The following KCND3 variants were observed in gnomAD, a reference collection of about 807,000 sequenced individuals.
The protein encoded by KCND3 is A-type voltage-gated potassium channel KCND3.
A neutral mutation model predicts 51.1 loss-of-function variants in KCND3; 9 were observed. That is an observed-to-expected ratio of 0.18 (90% CI 0.11 to 0.31). The LOEUF (loss-of-function observed/expected upper bound fraction) is 0.31. Ranked by LOEUF, KCND3 falls within the 10% of genes least tolerant of loss-of-function variation. KCND3 has a pLI of 1.00. For synonymous variants in KCND3, 349 were observed against 368.0 expected, an observed-to-expected ratio of 0.95 and a Z score of 0.59; for missense variants, 526 against 903.8, an observed-to-expected ratio of 0.58 and a Z score of 5.36.
intron 2 of KCND3, among the ~76,000 whole-genome samples, chr1:111,813,880 T>C (rs1201612834): frequency 6.6e-6 from 1 of 152,194 alleles, no homozygotes; most frequent in Non-Finnish European, 1.5e-5. Flanking sequence ...ACAATCATAG[T>C]ATTCAATGAG....
chr1:111,908,708 T>C (rs1415117832), intron 2 of KCND3, among the ~76,000 whole-genome samples: 1 of 152,164 alleles, frequency 6.6e-6, no homozygotes, highest in Non-Finnish European at 1.5e-5. Flanking sequence ...AGTATTTCCT[T>C]GACTTAATTC....
intron 2 of KCND3, among the ~76,000 whole-genome samples, chr1:111,963,558 C>A (rs900487649): frequency 6.6e-6 from 1 of 152,190 alleles, no homozygotes; most frequent in Non-Finnish European, 1.5e-5. Context: ...CCTGGTCCAC[C>A]GTATGAGGAT....
At chr1:111,827,525 G>T (rs992348601) in intron 2 of KCND3, among the ~76,000 whole-genome samples, 2 of 152,212 alleles carry the variant, frequency 1.3e-5, no homozygotes, top group African/African-American at 4.8e-5. Flanking sequence ...ATGAGGGCCA[G>T]GAGCAGATAA....
At chr1:111,800,231 T>G (rs113322479) in intron 2 of KCND3, among the ~76,000 whole-genome samples, 14,680 of 107,534 alleles carry the variant, frequency 0.14, 1,145 homozygotes, top group Admixed American at 0.18. Flanking sequence ...CCTGTTGATC[T>G]GTGACCTTAC....
chr1:111,778,480 G>C lies in KCND3; in HGVS notation c.1474C>G (p.Leu492Val). ...ACAGATAACAGGGGATCATCCACAA[G>C]ATAGGACAACCCCTACAGGACAACA... ...CLEKTTGLSYLVDDPLLSVRT... is the reference protein window; with the variant it reads ...CLEKTTGLSYVVDDPLLSVRT... The change falls in exon 6 of 8, where the codon CTT becomes GTT. Residue 492 changes from leucine to valine, a missense_variant. Transcript: ENST00000302127. 1 of 1,613,936 alleles carries C rather than the reference G, an allele frequency of 6.2e-7. No homozygotes were observed. Among genetic ancestry groups the C allele is most frequent in the Non-Finnish European group, 8.5e-7 (1 of 1,179,850 alleles).
At position 111,811,777 on chromosome 1, in the gene KCND3, C is replaced by A. The variant is rs191571628; in HGVS notation, c.1107-24671G>T. On this transcript the variant is annotated intron_variant, in intron 2 of 7. Coordinates refer to ENST00000302127, the MANE Select transcript of KCND3 (RefSeq NM_001378969.1). ...TATGGTATGACTAAAATTCTATTTT[C>A]AACTTCCCCTGGAGAGACGTTACTT... Among the ~76,000 whole-genome samples, 96 of 152,334 alleles carry A rather than the reference C, an allele frequency of 6.3e-4. No individual in the cohort carries two copies. The East Asian group carries it at 6.4e-3, about 10-fold the overall frequency.
At chr1:111,876,823 C>A (rs1669072451) in intron 2 of KCND3, among the ~76,000 whole-genome samples, 1 of 152,178 alleles carries the variant, frequency 6.6e-6, no homozygotes, top group East Asian at 1.9e-4. Flanking sequence ...AGCTTTGGCT[C>A]CTGCCCAGAA....
rs1372441938 is a variant in KCND3, at chr1:111,771,025, A to G, written c.*5052T>C. 2 of 152,162 alleles carry G rather than the reference A, an allele frequency of 1.3e-5. No individual in the cohort carries two copies. Among genetic ancestry groups the G allele is most frequent in the African/African-American group, 4.8e-5 (2 of 41,440 alleles). 9.4% of individuals were successfully genotyped at this position (152,162 alleles called of 1,614,324 possible). Reference sequence around the variant, plus strand: ...TGGAATGTCTGATTATCAAAAATATACCATCCCTCCCACCTCCCAGGTTTG... The same window carrying G: ...TGGAATGTCTGATTATCAAAAATATGCCATCCCTCCCACCTCCCAGGTTTG... On this transcript the variant is annotated 3_prime_UTR_variant, in exon 8 of 8. Transcript: ENST00000302127.
chr1:111,988,404 C>G (rs1346822161), intron 1 of KCND3, among the ~76,000 whole-genome samples: 1 of 152,160 alleles, frequency 6.6e-6, no homozygotes, highest in Non-Finnish European at 1.5e-5. Flanking sequence ...CAAAAGGGAA[C>G]AAGCTACTAA....
intron 2 of KCND3, among the ~76,000 whole-genome samples, chr1:111,958,486 A>G (rs1426171694): frequency 6.6e-6 from 1 of 152,216 alleles, no homozygotes; most frequent in East Asian, 1.9e-4. Context: ...GTATGACCAG[A>G]GCAGAGGTGC....
chr1:111,921,200 A>G (rs1310614264), intron 2 of KCND3, among the ~76,000 whole-genome samples: 1 of 152,178 alleles, frequency 6.6e-6, no homozygotes, highest in Non-Finnish European at 1.5e-5. Flanking sequence ...TAACTCTGTA[A>G]ACCAATTGAG....
chr1:111,780,854 G>A lies in KCND3; in HGVS notation c.1270-63C>T, dbSNP rs1664352592. ...CATGATACAAAAAGACAGCAAGGCT[G>A]GTGAAGCTGTGAGGCTGGCTTCCCA... On this transcript the variant is annotated intron_variant, in intron 3 of 7. Coordinates refer to ENST00000302127, the MANE Select transcript of KCND3 (RefSeq NM_001378969.1). This position sits in a 1 kb window ranked among gnomAD's most constrained non-coding sequence, Gnocchi z 4.2. The A allele has an allele frequency of 9.8e-6, 14 of 1,422,404 alleles. No homozygotes were observed. Among genetic ancestry groups the A allele is most frequent in the Non-Finnish European group, 1.4e-5 (14 of 1,026,232 alleles). The allele number at this position is 1,422,404 out of a possible 1,614,324, so 88.1% of individuals were successfully genotyped here. A position where few individuals can be genotyped will look rare whatever the true frequency, so the allele number is the denominator to read the frequency against.
chr1:111,905,099 T>C (rs902230433), intron 2 of KCND3, among the ~76,000 whole-genome samples: 6 of 152,340 alleles, frequency 3.9e-5, no homozygotes, highest in East Asian at 1.9e-4. Context: ...GAGCCTTTCA[T>C]GCTAAACCAG....
chr1:111,847,443 C>T (rs1227816852), intron 2 of KCND3, among the ~76,000 whole-genome samples: 1 of 152,178 alleles, frequency 6.6e-6, no homozygotes, highest in Non-Finnish European at 1.5e-5. Flanking sequence ...TTCCTTCAAC[C>T]ATTTCCATGT....
rs1391072026 is a variant in KCND3 at position 111,799,935 on chromosome 1, G to A, written c.1107-12829C>T. Among the ~76,000 whole-genome samples the A allele has an allele frequency of 3.9e-5, 6 of 152,120 alleles. No homozygotes were observed. In the South Asian group the frequency reaches 1.0e-3, roughly 26 times the overall value. ...ACTAAAATGAAAATTGGGCCCCCCC[G>A]CCTGGCCAGCCGCCCCGTCCGGGAG... is the stretch of plus-strand genomic sequence containing the variant. On this transcript the variant is annotated intron_variant, in intron 2 of 7. Transcript: ENST00000302127.
chr1:111,872,360 T>C (rs1021756832), intron 2 of KCND3, among the ~76,000 whole-genome samples: 1 of 152,250 alleles, frequency 6.6e-6, no homozygotes, highest in African/African-American at 2.4e-5. Context: ...TTAGTATCTT[T>C]AAAGACAGAG....
intron 2 of KCND3, among the ~76,000 whole-genome samples, chr1:111,938,551 G>A (rs1169599937): frequency 6.6e-6 from 1 of 152,186 alleles, no homozygotes; most frequent in Non-Finnish European, 1.5e-5. Flanking sequence ...AGGGGATAGA[G>A]ACAGCGGCAG....
chr1:111,810,990 G>C (rs541786810), intron 2 of KCND3, among the ~76,000 whole-genome samples: 1 of 152,300 alleles, frequency 6.6e-6, no homozygotes, highest in East Asian at 1.9e-4. Flanking sequence ...CACCCCTCCA[G>C]CTTCAGGGCC....
At chr1:111,943,941 G>T (rs1057253103) in intron 2 of KCND3, among the ~76,000 whole-genome samples, 1 of 152,170 alleles carries the variant, frequency 6.6e-6, no homozygotes, top group African/African-American at 2.4e-5. Flanking sequence ...AGCCGGGGCC[G>T]CACACTGATT....
Sources: gnomAD v4.1 joint callset for allele counts (sites outside exome capture counted in the v4.1 genomes callset) on GRCh38, gnomAD v4.1.1 for gene constraint, Gnocchi (gnomAD v3.1) non-coding constraint, MANE v1.5 for transcripts, NCBI Gene and HGNC (gene_info 2026-07-23, HGNC 2026-07-21) for gene names.